KLF12: variants seen among roughly 807,000 people sequenced by gnomAD.
KLF12 encodes the protein Krueppel-like factor 12.
A neutral mutation model predicts 37.8 loss-of-function variants in KLF12; 9 were observed. That is an observed-to-expected ratio of 0.24 (90% CI 0.14 to 0.42). The LOEUF (loss-of-function observed/expected upper bound fraction) is 0.42. Among genes scored for constraint, KLF12 ranks in the 10% least tolerant of loss-of-function variants. KLF12 has a pLI of 1.00. For missense variants in KLF12, 411 were observed against 516.0 expected, an observed-to-expected ratio of 0.80 and a Z score of 1.97; for synonymous variants, 208 against 202.1, an observed-to-expected ratio of 1.03 and a Z score of -0.25.
At chr13:73,930,237 T>C (rs955001343) in intron 3 of KLF12, among the ~76,000 whole-genome samples, 1 of 152,224 alleles carries the variant, frequency 6.6e-6, no homozygotes, top group Non-Finnish European at 1.5e-5. Flanking sequence ...AGAAATGTTA[T>C]ATCATAAAAG....
At chr13:74,171,607 T>C in the KLF12 span, among the ~76,000 whole-genome samples, 1 of 152,148 alleles carries the variant, frequency 6.6e-6, no homozygotes, top group Admixed American at 6.5e-5. Context: ...ATATAAAAAG[T>C]CAATGTATTA....
At chr13:73,926,064 CAA>C (rs1320481793) in intron 3 of KLF12, among the ~76,000 whole-genome samples, 7 of 151,936 alleles carry the variant, frequency 4.6e-5, no homozygotes, top group Admixed American at 2.0e-4. Flanking sequence ...GAAACAACAA[CAA>C]AAGATTTAGA....
At chr13:74,260,628 T>TAAAATAAAATAAAAAG in the KLF12 span, among the ~76,000 whole-genome samples, 1 of 139,992 alleles carries the variant, frequency 7.1e-6, no homozygotes, top group Non-Finnish European at 1.5e-5. Context: ...TAAAATAAAA[T>TAAAATAAAATAAAAAG]AGTGAATTAA....
intron 1 of KLF12, among the ~76,000 whole-genome samples, chr13:74,113,658 G>A (rs1158916218): frequency 5.3e-5 from 8 of 152,174 alleles, no homozygotes; most frequent in Non-Finnish European, 1.2e-4. Context: ...CAAGAGCTCT[G>A]ACACAGACGT....
At chr13:73,897,295 A>G (rs973105941) in intron 3 of KLF12, among the ~76,000 whole-genome samples, 6 of 152,188 alleles carry the variant, frequency 3.9e-5, no homozygotes, top group African/African-American at 1.4e-4. Flanking sequence ...TTTATTTTGA[A>G]TGAACTAACA....
rs541843878 is a variant in KLF12, at chr13:74,106,223, T to C, written c.-32+27516A>G. Among the ~76,000 whole-genome samples the C allele has an allele frequency of 7.2e-5, 11 of 152,334 alleles. No homozygotes were observed. The East Asian group carries it at 1.5e-3, about 21-fold the overall frequency. On this transcript the variant is annotated intron_variant, in intron 1 of 7. Transcript: ENST00000377669. ...AGCCTTAAACAGGTACCCATCCAAA[T>C]TGGTATTTGAGATCATTTTGATAAC...
intron 3 of KLF12, among the ~76,000 whole-genome samples, chr13:73,858,143 A>G (rs1219379208): frequency 2.6e-5 from 4 of 152,108 alleles, no homozygotes; most frequent in African/African-American, 9.7e-5. Flanking sequence ...TAAAATTTTA[A>G]AAGTCATATT....
intron 1 of KLF12, among the ~76,000 whole-genome samples, chr13:74,121,490 C>A (rs1877632526): frequency 1.3e-5 from 2 of 151,938 alleles, no homozygotes; most frequent in South Asian, 4.1e-4. Context: ...CAAACAAAAA[C>A]ACTCTTAAAA....
chr13:73,855,426 TTGTG>T lies in KLF12; in HGVS notation c.124-9057_124-9054del, dbSNP rs369471421. On this transcript the variant is annotated intron_variant, in intron 3 of 7. Coordinates refer to ENST00000377669, the MANE Select transcript of KLF12 (RefSeq NM_007249.5). ...TGCTACAAAGGCCATGATTTCGTTT[TTGTG>T]TGTGTGTGTGGCTGCATAGTATTCC... Among the ~76,000 whole-genome samples, 210 of 152,024 alleles carry T rather than the reference TTGTG, an allele frequency of 1.4e-3. 1 individual carries two copies. Among genetic ancestry groups the T allele is most frequent in the Middle Eastern group, 6.8e-3 (2 of 294 alleles).
At chr13:73,900,722 G>T (rs1174196712) in intron 3 of KLF12, among the ~76,000 whole-genome samples, 2 of 151,810 alleles carry the variant, frequency 1.3e-5, no homozygotes, top group Non-Finnish European at 2.9e-5. Context: ...AATTCATTCT[G>T]CTGCCAAAAT....
chr13:73,733,101 C>A (rs1447736432), intron 6 of KLF12, among the ~76,000 whole-genome samples: 1 of 152,174 alleles, frequency 6.6e-6, no homozygotes, highest in Non-Finnish European at 1.5e-5. Flanking sequence ...CCTGCTCCCA[C>A]ACCCTTACTC....
chr13:73,850,087 C>T (rs915240357), intron 3 of KLF12, among the ~76,000 whole-genome samples: 1 of 152,052 alleles, frequency 6.6e-6, no homozygotes, highest in East Asian at 1.9e-4. Flanking sequence ...CACAAATACA[C>T]ACAAAAGGCC....
chr13:74,179,857 C>T, the KLF12 span, among the ~76,000 whole-genome samples: 1 of 152,108 alleles, frequency 6.6e-6, no homozygotes, highest in South Asian at 2.1e-4. Context: ...CCAAAGAGTC[C>T]CCCAATCGAC....
chr13:74,213,467 G>A, the KLF12 span, among the ~76,000 whole-genome samples: 2 of 151,906 alleles, frequency 1.3e-5, no homozygotes, highest in African/African-American at 2.4e-5. Context: ...ATCAGCAATG[G>A]GTATAGAATT....
At position 73,796,315 on chromosome 13, in the gene KLF12, T is replaced by C. The variant is rs1409276766; in HGVS notation, c.806+16837A>G. On this transcript the variant is annotated intron_variant, in intron 5 of 7. Transcript: ENST00000377669. ...CTTCCTATTAACCTGCTATATATCCTGGCTTGTTTGTCCTTTTCATAACTA... is the reference window on the plus strand; with the variant it reads ...CTTCCTATTAACCTGCTATATATCCCGGCTTGTTTGTCCTTTTCATAACTA... 3.3e-5 allele frequency among the ~76,000 whole-genome samples: 5 copies of C among 152,210 alleles called. No homozygotes were observed. In the East Asian group the frequency reaches 7.7e-4, roughly 23 times the overall value.
intron 2 of KLF12, among the ~76,000 whole-genome samples, chr13:73,972,305 A>T (rs1269375508): frequency 6.6e-6 from 1 of 152,116 alleles, no homozygotes; most frequent in African/African-American, 2.4e-5. Flanking sequence ...ATACATTTTC[A>T]CTGTAAGTGT....
At chr13:74,162,081 G>T in the KLF12 span, among the ~76,000 whole-genome samples, 3 of 152,152 alleles carry the variant, frequency 2.0e-5, no homozygotes, top group Non-Finnish European at 4.4e-5. Flanking sequence ...CACTGGAAAA[G>T]TGGCAGCCAC....
intron 1 of KLF12, among the ~76,000 whole-genome samples, chr13:74,084,853 C>G (rs930840031): frequency 6.6e-6 from 1 of 151,920 alleles, no homozygotes; most frequent in South Asian, 2.1e-4. Flanking sequence ...ACATTTTTTC[C>G]GCTTATTTGA....
At chr13:73,792,393 C>T (rs760518169) in intron 5 of KLF12, among the ~76,000 whole-genome samples, 10 of 152,026 alleles carry the variant, frequency 6.6e-5, no homozygotes, top group Non-Finnish European at 1.0e-4. Flanking sequence ...TTTGTGGTAT[C>T]GATGGCAGCA....
Sources: gnomAD v4.1 joint callset for allele counts (sites outside exome capture counted in the v4.1 genomes callset) on GRCh38, gnomAD v4.1.1 for gene constraint, MANE v1.5 for transcripts, NCBI Gene and HGNC (gene_info 2026-07-23, HGNC 2026-07-21) for gene names.